Variants in REDIC1 observed in about 807,000 individuals in gnomAD.
REDIC1 encodes HEI10 Interacting Protein 1.
the REDIC1 span, among the ~76,000 whole-genome samples, chr12:39,823,716 T>C: frequency 1.6e-4 from 25 of 152,358 alleles, no homozygotes; most frequent in East Asian, 4.8e-3. Context: ...CTCGAGTAGC[T>C]GGGACTACAG....
chr12:39,665,003 T>A, the REDIC1 span, among the ~76,000 whole-genome samples: 1 of 152,192 alleles, frequency 6.6e-6, no homozygotes, highest in African/African-American at 2.4e-5. Flanking sequence ...TTGCAAAAAT[T>A]TTCTCCCATT....
the REDIC1 span, among the ~76,000 whole-genome samples, chr12:39,906,095 C>G: frequency 1.4e-5 from 2 of 148,084 alleles, no homozygotes; most frequent in Non-Finnish European, 3.0e-5. Context: ...TAAAATTCAC[C>G]TATGTTGGAC....
the REDIC1 span, chr12:39,648,010 T>C: frequency 9.1e-6 from 12 of 1,312,680 alleles, no homozygotes; most frequent in Non-Finnish European, 1.1e-5. Flanking sequence ...TAGCATTTTA[T>C]ATAATTATAT....
At chr12:39,717,970 C>T in the REDIC1 span, among the ~76,000 whole-genome samples, 4 of 150,002 alleles carry the variant, frequency 2.7e-5, no homozygotes, top group African/African-American at 1.0e-4. Flanking sequence ...TCACCTTTCA[C>T]CTTTTTTTTT....
At chr12:39,730,922 C>CT in the REDIC1 span, among the ~76,000 whole-genome samples, 1 of 152,094 alleles carries the variant, frequency 6.6e-6, no homozygotes, top group South Asian at 2.1e-4. Flanking sequence ...CTCTGATAGA[C>CT]TTTTTTTCTG....
chr12:39,666,487 T>C, the REDIC1 span, among the ~76,000 whole-genome samples: 2 of 152,160 alleles, frequency 1.3e-5, no homozygotes, highest in Admixed American at 1.3e-4. Context: ...ATTGAGGACT[T>C]TTGCATCGAT....
At chr12:39,707,933 C>T in the REDIC1 span, among the ~76,000 whole-genome samples, 1 of 151,638 alleles carries the variant, frequency 6.6e-6, no homozygotes, top group Non-Finnish European at 1.5e-5. Context: ...CATGTTCTCA[C>T]TTATTTATGG....
the REDIC1 span, among the ~76,000 whole-genome samples, chr12:39,875,513 A>G: frequency 3.3e-5 from 5 of 152,202 alleles, no homozygotes; most frequent in Non-Finnish European, 7.3e-5. Flanking sequence ...GGCTCTGGGA[A>G]CTAGGATGTT....
the REDIC1 span, among the ~76,000 whole-genome samples, chr12:39,821,321 A>G: frequency 6.6e-6 from 1 of 151,996 alleles, no homozygotes; most frequent in Admixed American, 6.6e-5. Context: ...GAGGCAGGAG[A>G]ATGGCGTGAA....
chr12:39,892,516 AT>A, the REDIC1 span, among the ~76,000 whole-genome samples: 11 of 151,952 alleles, frequency 7.2e-5, no homozygotes, highest in South Asian at 4.2e-4. Context: ...TAGTCAAAAG[AT>A]TTTTTTTTAA....
At chr12:39,630,928 G>A in the REDIC1 span, among the ~76,000 whole-genome samples, 18,268 of 152,150 alleles carry the variant, frequency 0.12, 1,162 homozygotes, top group Middle Eastern at 0.14. Flanking sequence ...GGTCCTAGTA[G>A]CATGCCCAGT....
the REDIC1 span, chr12:39,759,849 TGGA>T: frequency 1.8e-6 from 1 of 565,610 alleles, no homozygotes; most frequent in East Asian, 2.9e-5. Flanking sequence ...TTGTTCCTTG[TGGA>T]AAAAAAAAGT....
chr12:39,692,261 A>C, the REDIC1 span: 50 of 712,822 alleles, frequency 7.0e-5, no homozygotes, highest in African/African-American at 8.6e-4. Flanking sequence ...TGACTCGTTA[A>C]AATTACTTTT....
chr12:39,886,257 G>A, the REDIC1 span, among the ~76,000 whole-genome samples: 1 of 152,070 alleles, frequency 6.6e-6, no homozygotes, highest in African/African-American at 2.4e-5. Context: ...TAGTAAATTA[G>A]GCTGCTGGCT....
the REDIC1 span, among the ~76,000 whole-genome samples, chr12:39,711,402 CATAG>C: frequency 7.0e-6 from 1 of 143,460 alleles, no homozygotes; most frequent in Non-Finnish European, 1.5e-5. Flanking sequence ...TACATATACA[CATAG>C]ATGTATATAT....
the REDIC1 span, among the ~76,000 whole-genome samples, chr12:39,662,048 G>T: frequency 1.3e-5 from 2 of 152,036 alleles, no homozygotes; most frequent in African/African-American, 2.4e-5. Context: ...GGTTACTATA[G>T]CCTTGTAATA....
At chr12:39,684,220 G>A in the REDIC1 span, 1 of 1,011,722 alleles carries the variant, frequency 9.9e-7, no homozygotes, top group Non-Finnish European at 1.2e-6. Flanking sequence ...CTGCCTTCCA[G>A]GCTTTTCTGA....
At chr12:39,643,724 A>G in the REDIC1 span, 1 of 1,226,280 alleles carries the variant, frequency 8.2e-7, no homozygotes, top group Non-Finnish European at 1.1e-6. Context: ...ATTATTTATA[A>G]TTCTGTCTAA....
the REDIC1 span, chr12:39,760,300 G>T: frequency 1.3e-6 from 2 of 1,505,306 alleles, no homozygotes; most frequent in South Asian, 1.2e-5. Context: ...ATAGAGAGAG[G>T]CTTAAGTTGG....
Sources: allele counts gnomAD v4.1 joint callset (sites outside exome capture counted in the v4.1 genomes callset), GRCh38; gene constraint gnomAD v4.1.1; transcripts MANE v1.5; gene names NCBI Gene and HGNC (gene_info 2026-07-23, HGNC 2026-07-21).